The following SGSM3 variants were observed in gnomAD, a reference collection of about 807,000 sequenced individuals.
SGSM3 encodes small G protein signaling modulator 3, also known as RUN and SH3 containing 3.
In SGSM3, 96 loss-of-function variants were observed where a neutral mutation model predicts 100.5. That is an observed-to-expected ratio of 0.96 (90% CI 0.81 to 1.13). The LOEUF is 1.13. SGSM3 is among the 50% of genes most tolerant of loss of function. The probability of loss-of-function intolerance (pLI) is 0.00; values close to 1 mark genes in which losing one functional copy is unlikely to be tolerated. For synonymous variants in SGSM3, 483 were observed against 422.8 expected (o/e 1.14, Z -1.75); for missense variants, 1,001 against 1,015.8 (o/e 0.99, Z 0.20).
Position 40,409,802 on chromosome 22 carries a change from G to A in SGSM3, c.*43G>A, listed in dbSNP as rs1569236385. On this transcript the variant is annotated 3_prime_UTR_variant, in exon 22 of 22. Coordinates refer to ENST00000248929, the MANE Select transcript of SGSM3 (RefSeq NM_015705.6). The stretch of plus-strand genomic sequence containing the variant: ...CAACCTCGGGCCTGCGTCTGAGGTG[G>A]CCCAGGACCCCAAGCTGCAGAGCCC... 1 of 1,584,122 alleles carries A rather than the reference G, an allele frequency of 6.3e-7. No individual in the cohort carries two copies. Among genetic ancestry groups the A allele is most frequent in the East Asian group, 2.2e-5 (1 of 44,580 alleles).
intron 1 of SGSM3, among the ~76,000 whole-genome samples, chr22:40,396,549 C>T (rs11703072): frequency 5.5e-5 from 8 of 144,894 alleles, no homozygotes; most frequent in East Asian, 2.0e-4. Context: ...GCTGAGATTG[C>T]GCCACTGCAC....
rs2050296046 is a variant in SGSM3, at chr22:40,398,213, CA to C, written c.-111-2482del. Among the ~76,000 whole-genome samples, 7 of 151,890 alleles carry C rather than the reference CA, an allele frequency of 4.6e-5. No homozygotes were observed. In the South Asian group the frequency reaches 1.5e-3, roughly 32 times the overall value. Reference sequence around the variant, plus strand: ...ATCTCCCGACCTCAGGTGATCCACCCACCTCGGCCTCCCAAAGTGCTGGGAT... The same window carrying C: ...ATCTCCCGACCTCAGGTGATCCACCCCCTCGGCCTCCCAAAGTGCTGGGAT... On this transcript the variant is annotated intron_variant, in intron 1 of 21. Coordinates refer to ENST00000248929, the MANE Select transcript of SGSM3 (RefSeq NM_015705.6).
chr22:40,385,413 G>C (rs1050412565), intron 1 of SGSM3, among the ~76,000 whole-genome samples: 1 of 152,170 alleles, frequency 6.6e-6, no homozygotes, highest in Non-Finnish European at 1.5e-5. Context: ...CAGTGGACAC[G>C]AAGCCATTGG....
Position 40,404,670 on chromosome 22 carries a change from G to C in SGSM3, c.474+6G>C. 1 of 1,599,772 alleles carries C rather than the reference G, an allele frequency of 6.3e-7. No individual in the cohort carries two copies. On this transcript the variant is annotated splice_donor_region_variant and intron_variant, in intron 6 of 21. Coordinates refer to ENST00000248929, the MANE Select transcript of SGSM3 (RefSeq NM_015705.6). ...AGACCATCGCTGCCAAGCAGGTGAGGCCGGTGGCACTGTGCAGGAAGAGCT... is the reference window on the plus strand; with the variant it reads ...AGACCATCGCTGCCAAGCAGGTGAGCCCGGTGGCACTGTGCAGGAAGAGCT...
Position 40,407,155 on chromosome 22 carries a change from G to T in SGSM3, c.1241-46G>T. The T allele has an allele frequency of 6.2e-7, 1 of 1,612,624 alleles. No homozygotes were observed. Among genetic ancestry groups the T allele is most frequent in the Non-Finnish European group, 8.5e-7 (1 of 1,179,210 alleles). On this transcript the variant is annotated intron_variant, in intron 11 of 21. Coordinates refer to ENST00000248929, the MANE Select transcript of SGSM3 (RefSeq NM_015705.6). The surrounding 1 kb of genome is among the most constrained non-coding windows in gnomAD (Gnocchi z 4.7). ...TGTGGACGTGGAGCTTCCTCCTCGG[G>T]GGCCTGGAGTGGGCTGTGGTCACCA... is the stretch of plus-strand genomic sequence containing the variant.
chr22:40,396,248 C>G (rs148327244), intron 1 of SGSM3, among the ~76,000 whole-genome samples: 1 of 152,066 alleles, frequency 6.6e-6, no homozygotes, highest in African/African-American at 2.4e-5. Flanking sequence ...TCCTCTTCCC[C>G]TCCTCACAGA....
At position 40,405,804 on chromosome 22, in the gene SGSM3, C is replaced by A; in HGVS notation, c.774C>A (p.Tyr258Ter). ...QRVLRHLIVQ[Y>*]LPRLDKLLQE... is the part of the protein sequence containing the mutation. ...TCCTGCGCCACCTCATTGTCCAGTA[C>A]CTGCCTCGCCTGGACAAGCTGCTCC... is the stretch of plus-strand genomic sequence containing the variant. The change falls in exon 8 of 22, where the codon TAC becomes TAA. Residue 258 changes from tyrosine to a stop codon, truncating the protein, a stop_gained. Transcript: ENST00000248929. LOFTEE classifies it high-confidence loss of function. 6.2e-7 allele frequency: 1 copy of A among 1,613,278 alleles called. No homozygotes were observed. Among genetic ancestry groups the A allele is most frequent in the Non-Finnish European group, 8.5e-7 (1 of 1,179,760 alleles).
chr22:40,384,269 A>T (rs1421760261), intron 1 of SGSM3, among the ~76,000 whole-genome samples: 1 of 152,166 alleles, frequency 6.6e-6, no homozygotes, highest in Non-Finnish European at 1.5e-5. Flanking sequence ...GACAAAAAAA[A>T]AGGAGCCAAA....
chr22:40,388,772 C>T (rs1287354881), intron 1 of SGSM3, among the ~76,000 whole-genome samples: 2 of 152,050 alleles, frequency 1.3e-5, no homozygotes, highest in African/African-American at 4.8e-5. Context: ...GTTTCAAAAA[C>T]TTTAGGAAAG....
At position 40,409,792 on chromosome 22, in the gene SGSM3, G is replaced by A. The variant is rs372805804; in HGVS notation, c.*33G>A. 132 of 1,593,118 alleles carry A rather than the reference G, an allele frequency of 8.3e-5. No homozygotes were observed. The highest frequency in any genetic ancestry group is 4.2e-4 in the East Asian group (19 of 44,732). Reference sequence around the variant, plus strand: ...CTCCCCAGCCCAACCTCGGGCCTGCGTCTGAGGTGGCCCAGGACCCCAAGC... The same window carrying A: ...CTCCCCAGCCCAACCTCGGGCCTGCATCTGAGGTGGCCCAGGACCCCAAGC... On this transcript the variant is annotated 3_prime_UTR_variant, in exon 22 of 22. Transcript: ENST00000248929.
intron 1 of SGSM3, among the ~76,000 whole-genome samples, chr22:40,393,702 C>T (rs796710279): frequency 3.9e-5 from 6 of 151,916 alleles, no homozygotes; most frequent in African/African-American, 1.5e-4. Flanking sequence ...GTTTATTTCT[C>T]ACAGTTTGGG....
intron 6 of SGSM3, 71 bp from the exon 7 acceptor site, chr22:40,405,070 G>A (rs990010456): frequency 6.9e-6 from 10 of 1,444,422 alleles, no homozygotes; most frequent in Middle Eastern, 1.9e-4. Flanking sequence ...GGAGAAGCCC[G>A]CCTGGGGTCT....
At chr22:40,386,812 T>C (rs1287820701) in intron 1 of SGSM3, among the ~76,000 whole-genome samples, 1 of 152,144 alleles carries the variant, frequency 6.6e-6, no homozygotes, top group Non-Finnish European at 1.5e-5. Flanking sequence ...CCCTTTGCCC[T>C]GCACCCCAGT....
In SGSM3 at chr22:40,404,537, T is replaced by C; in HGVS notation, c.367-20T>C. On this transcript the variant is annotated intron_variant, in intron 5 of 21. Coordinates refer to ENST00000248929, the MANE Select transcript of SGSM3 (RefSeq NM_015705.6). ...GTGTCACGAGAAAGACTGAGTGCCC[T>C]TGCGGCTCCCTTCCCTCAGCTGTGG... 1 of 1,612,300 alleles carries C rather than the reference T, an allele frequency of 6.2e-7. No homozygotes were observed.
intron 1 of SGSM3, among the ~76,000 whole-genome samples, chr22:40,397,689 C>T (rs1274054144): frequency 1.3e-5 from 2 of 152,228 alleles, no homozygotes; most frequent in African/African-American, 2.4e-5. Flanking sequence ...TTCCCCAGCC[C>T]CTCCAGCCTG....
intron 1 of SGSM3, among the ~76,000 whole-genome samples, chr22:40,389,183 A>G (rs59958541): frequency 0.022 from 3,423 of 152,262 alleles, 126 homozygotes; most frequent in African/African-American, 0.079. Context: ...GAGACTAAGA[A>G]GGAGCCAGAA....
At chr22:40,378,604 A>G (rs2146776987) in intron 1 of SGSM3, among the ~76,000 whole-genome samples, 1 of 151,910 alleles carries the variant, frequency 6.6e-6, no homozygotes. Flanking sequence ...GTGGTGGCGC[A>G]TGCCTGTAAT....
chr22:40,380,008 G>A (rs2146790487), intron 1 of SGSM3, among the ~76,000 whole-genome samples: 1 of 152,216 alleles, frequency 6.6e-6, no homozygotes, highest in East Asian at 1.9e-4. Flanking sequence ...ATCGTGCTCG[G>A]CCTGGTTTCT....
chr22:40,410,208 C>T lies in SGSM3; in HGVS notation c.*449C>T. On this transcript the variant is annotated 3_prime_UTR_variant, in exon 22 of 22. Coordinates refer to ENST00000248929, the MANE Select transcript of SGSM3 (RefSeq NM_015705.6). Reference sequence around the variant, plus strand: ...GTCTAGAAGGCACTGCGTGGCCCCTCAGATGCTGGGACACAACAGACCCGG... The same window carrying T: ...GTCTAGAAGGCACTGCGTGGCCCCTTAGATGCTGGGACACAACAGACCCGG... 9.4e-7 allele frequency: 1 copy of T among 1,061,172 alleles called. No individual in the cohort carries two copies. The highest frequency in any genetic ancestry group is 1.6e-5 in the African/African-American group (1 of 60,746). The allele number at this position is 1,061,172 out of a possible 1,614,324, so 65.7% of individuals were successfully genotyped here.
Sources: allele counts gnomAD v4.1 joint callset (sites outside exome capture counted in the v4.1 genomes callset), GRCh38; gene constraint gnomAD v4.1.1; non-coding constraint Gnocchi (gnomAD v3.1); transcripts MANE v1.5; gene names NCBI Gene and HGNC (gene_info 2026-07-23, HGNC 2026-07-21).